The following ELL variants were observed in gnomAD, a reference collection of about 807,000 sequenced individuals.
ELL encodes elongation factor for RNA polymerase II, also known as RNA polymerase II elongation factor ELL.
A neutral mutation model predicts 64.0 loss-of-function variants in ELL; 18 were observed. That is an observed-to-expected ratio of 0.28 (90% CI 0.19 to 0.42). ELL has a LOEUF of 0.42. Among genes scored for constraint, ELL ranks in the 10% least tolerant of loss-of-function variants. The pLI is 1.00. For synonymous variants in ELL, 399 were observed against 376.2 expected, an observed-to-expected ratio of 1.06 and a Z score of -0.70; for missense variants, 797 against 870.4, an observed-to-expected ratio of 0.92 and a Z score of 1.06.
At chr19:18,517,135 A>G (rs1019793681) in intron 1 of ELL, among the ~76,000 whole-genome samples, 6 of 152,146 alleles carry the variant, frequency 3.9e-5, no homozygotes, top group African/African-American at 1.4e-4. Flanking sequence ...TTTTCCAAGC[A>G]GGTGAGTAAC....
At chr19:18,478,503 G>A (rs191749197) in intron 1 of ELL, among the ~76,000 whole-genome samples, 62 of 152,238 alleles carry the variant, frequency 4.1e-4, no homozygotes, top group African/African-American at 8.7e-4. Context: ...TCAGGCCCTC[G>A]AGTGGCAAAA....
chr19:18,461,638 T>C lies in ELL; in HGVS notation c.684A>G (p.Arg228=). The C allele has an allele frequency of 6.2e-7, 1 of 1,611,536 alleles. No homozygotes were observed. The highest frequency in any genetic ancestry group is 8.5e-7 in the Non-Finnish European group (1 of 1,179,914). ...CCTGCGTCAGGCCGTCCTTCTGCAGTCGCAGCAGCAGCTCAGCCTTGCGGT... is the reference window on the plus strand; with the variant it reads ...CCTGCGTCAGGCCGTCCTTCTGCAGCCGCAGCAGCAGCTCAGCCTTGCGGT... ...RPYRKAELLL[R]LQKDGLTQAD... Residue 228 remains arginine (R), a synonymous_variant, in exon 5 of 12, where the codon CGA becomes CGG. Transcript: ENST00000262809.
chr19:18,490,204 TC>T (rs1036482981), intron 1 of ELL, among the ~76,000 whole-genome samples: 2 of 96,334 alleles, frequency 2.1e-5, no homozygotes, highest in Admixed American at 1.1e-4. Context: ...CACCTGCCCC[TC>T]CCCCCCACCC....
At chr19:18,486,287 A>T (rs994294343) in intron 1 of ELL, among the ~76,000 whole-genome samples, 1 of 152,184 alleles carries the variant, frequency 6.6e-6, no homozygotes, top group Non-Finnish European at 1.5e-5. Flanking sequence ...GGGCAGGAAG[A>T]GAGAGGCTGC....
chr19:18,502,572 T>G (rs1975802654), intron 1 of ELL, among the ~76,000 whole-genome samples: 1 of 152,062 alleles, frequency 6.6e-6, no homozygotes, highest in Non-Finnish European at 1.5e-5. Context: ...ACCACAAAAG[T>G]CCCAGTAATC....
chr19:18,474,569 G>A (rs917274510), intron 1 of ELL, among the ~76,000 whole-genome samples: 22 of 152,208 alleles, frequency 1.4e-4, no homozygotes, highest in African/African-American at 5.3e-4. Flanking sequence ...CACGATTCAC[G>A]GCGCAAGCCA....
intron 1 of ELL, among the ~76,000 whole-genome samples, chr19:18,521,248 C>G (rs547376454): frequency 3.3e-5 from 5 of 152,104 alleles, no homozygotes; most frequent in Non-Finnish European, 5.9e-5. Context: ...AGAGGGTCAC[C>G]TGGGGGTAAG....
At chr19:18,486,288 G>A (rs1029347642) in intron 1 of ELL, among the ~76,000 whole-genome samples, 18 of 152,326 alleles carry the variant, frequency 1.2e-4, no homozygotes, top group African/African-American at 4.3e-4. Flanking sequence ...GGCAGGAAGA[G>A]AGAGGCTGCT....
At chr19:18,491,004 C>A (rs1975518811) in intron 1 of ELL, among the ~76,000 whole-genome samples, 1 of 152,162 alleles carries the variant, frequency 6.6e-6, no homozygotes, top group South Asian at 2.1e-4. Flanking sequence ...CTACAGTATC[C>A]AGCTGTTTGG....
intron 1 of ELL, among the ~76,000 whole-genome samples, chr19:18,520,492 G>T (rs920818635): frequency 6.6e-6 from 1 of 152,066 alleles, no homozygotes; most frequent in African/African-American, 2.4e-5. Context: ...AAAAAAAAAT[G>T]AAATCCTCAT....
chr19:18,494,713 CACT>C (rs2144958041), intron 1 of ELL, among the ~76,000 whole-genome samples: 1 of 152,248 alleles, frequency 6.6e-6, no homozygotes, highest in South Asian at 2.1e-4. Flanking sequence ...TTCTGATTCC[CACT>C]CTCTGCCCTC....
At chr19:18,466,402 C>G (rs377289991) in intron 2 of ELL, among the ~76,000 whole-genome samples, 3 of 152,230 alleles carry the variant, frequency 2.0e-5, no homozygotes, top group African/African-American at 7.2e-5. Flanking sequence ...AGCATCCCCC[C>G]ACAAAGGACA....
At chr19:18,469,247 C>T (rs556486015) in intron 2 of ELL, among the ~76,000 whole-genome samples, 6 of 152,260 alleles carry the variant, frequency 3.9e-5, no homozygotes, top group Admixed American at 3.9e-4. Flanking sequence ...GGAAAGGTTT[C>T]CCGGAGCCAG....
chr19:18,481,395 C>T (rs1299768652), intron 1 of ELL, among the ~76,000 whole-genome samples: 1 of 152,196 alleles, frequency 6.6e-6, no homozygotes, highest in African/African-American at 2.4e-5. Flanking sequence ...CTGGCCTCTT[C>T]ACCTGCTGCA....
chr19:18,474,386 A>C (rs1391227594), intron 1 of ELL, among the ~76,000 whole-genome samples: 1 of 152,198 alleles, frequency 6.6e-6, no homozygotes, highest in Non-Finnish European at 1.5e-5. Context: ...TTCTTTGCCA[A>C]GTCTCTCCAA....
At chr19:18,492,897 G>T (rs1975561678) in intron 1 of ELL, among the ~76,000 whole-genome samples, 1 of 152,124 alleles carries the variant, frequency 6.6e-6, no homozygotes, top group African/African-American at 2.4e-5. Context: ...CCACTGGCCA[G>T]GCTGCGATGA....
chr19:18,494,956 G>C (rs1171312160), intron 1 of ELL, among the ~76,000 whole-genome samples: 5 of 152,218 alleles, frequency 3.3e-5, no homozygotes, highest in Non-Finnish European at 7.3e-5. Context: ...CAGGATTTGA[G>C]AGTTGAAAAA....
chr19:18,485,444 A>C (rs1409582770), intron 1 of ELL, among the ~76,000 whole-genome samples: 1 of 152,072 alleles, frequency 6.6e-6, no homozygotes, highest in Non-Finnish European at 1.5e-5. Context: ...GCCGAGCCCC[A>C]GTGCACCCAA....
intron 1 of ELL, among the ~76,000 whole-genome samples, chr19:18,494,643 G>C (rs113884190): frequency 0.026 from 4,011 of 152,176 alleles, 113 homozygotes; most frequent in African/African-American, 0.073. Flanking sequence ...CGCCCACCTT[G>C]GCCTCCCAAA....
Sources: allele counts gnomAD v4.1 joint callset (sites outside exome capture counted in the v4.1 genomes callset), GRCh38; gene constraint gnomAD v4.1.1; transcripts MANE v1.5; gene names NCBI Gene and HGNC (gene_info 2026-07-23, HGNC 2026-07-21).